ZFC3H1: variants seen among roughly 807,000 people sequenced by gnomAD.
ZFC3H1 encodes the protein zinc finger C3H1 domain-containing protein.
ZFC3H1 carries 71 observed loss-of-function variants against 243.7 expected under a neutral mutation model. That is an observed-to-expected ratio of 0.29 (90% CI 0.24 to 0.36). The LOEUF (loss-of-function observed/expected upper bound fraction) is 0.36, where lower values mean the gene tolerates loss of function less well. Ranked by LOEUF, ZFC3H1 falls within the 10% of genes least tolerant of loss-of-function variation. The probability of loss-of-function intolerance (pLI) is 1.00; values close to 1 mark genes in which losing one functional copy is unlikely to be tolerated. For synonymous variants in ZFC3H1, 838 were observed against 813.0 expected (o/e 1.03, Z -0.52); for missense variants, 1,966 against 2,317.1 (o/e 0.85, Z 3.11).
intron 20 of ZFC3H1, among the ~76,000 whole-genome samples, chr12:71,628,169 A>G (rs1148994): frequency 0.59 from 89,866 of 152,026 alleles, 29,237 homozygotes; most frequent in Middle Eastern, 0.77. Context: ...GAGTAATTAG[A>G]ACTCTGCTAT....
At chr12:71,652,774 G>A (rs2137558193) in intron 2 of ZFC3H1, among the ~76,000 whole-genome samples, 1 of 152,228 alleles carries the variant, frequency 6.6e-6, no homozygotes, top group Middle Eastern at 3.4e-3. Flanking sequence ...GGGAAAGAAA[G>A]GCATCTCCCT....
At chr12:71,636,087 T>C (rs1450197636) in intron 9 of ZFC3H1, among the ~76,000 whole-genome samples, 1 of 152,178 alleles carries the variant, frequency 6.6e-6, no homozygotes. Context: ...TCTTCCATCA[T>C]AGTGTAGTCA....
chr12:71,637,069 A>T lies in ZFC3H1; in HGVS notation c.1726-10T>A, dbSNP rs557810847. On this transcript the variant is annotated splice_polypyrimidine_tract_variant and intron_variant, in intron 7 of 34. Coordinates refer to ENST00000378743, the MANE Select transcript of ZFC3H1 (RefSeq NM_144982.5). The stretch of plus-strand genomic sequence containing the variant: ...TCAAAGGTGGCAGAGACTATTTTTT[A>T]AAAAAAGAAAGAATTACAACGCAAA... The T allele has an allele frequency of 1.0e-4, 162 of 1,597,860 alleles. No homozygotes were observed. The African/African-American group carries it at 1.2e-3, about 12-fold the overall frequency.
rs1009593392 is a variant in ZFC3H1, at chr12:71,615,391, C to A, written c.5145-75G>T. ...GAATTACACACATATTTTTTAAAAT[C>A]GTTAGTTTCACTTAAATTTCATTGA... On this transcript the variant is annotated intron_variant, in intron 27 of 34. Coordinates refer to ENST00000378743, the MANE Select transcript of ZFC3H1 (RefSeq NM_144982.5). 3.1e-6 allele frequency: 3 copies of A among 977,308 alleles called. No individual in the cohort carries two copies. The African/African-American group carries it at 5.0e-5, about 16-fold the overall frequency. 60.5% of individuals were successfully genotyped at this position (977,308 alleles called of 1,614,324 possible). A position where few individuals can be genotyped will look rare whatever the true frequency, so the allele number is the denominator to read the frequency against.
intron 1 of ZFC3H1, among the ~76,000 whole-genome samples, chr12:71,661,294 T>C (rs1028506888): frequency 6.6e-6 from 1 of 151,784 alleles, no homozygotes; most frequent in African/African-American, 2.4e-5. Flanking sequence ...AGCGAGACTC[T>C]GTCTCAAAAA....
rs1879985566 is a variant in ZFC3H1 at position 71,620,022 on chromosome 12, C to T, written c.4953G>A (p.Gln1651=). 2 of 1,613,402 alleles carry T rather than the reference C, an allele frequency of 1.2e-6. No homozygotes were observed. Among genetic ancestry groups the T allele is most frequent in the Non-Finnish European group, 8.5e-7 (1 of 1,179,870 alleles). Reference sequence around the variant, plus strand: ...GCCACACTGCTCTGGCTTTGTCATGCTGATTTGTTTGCAAATATAATGCAA... The same window carrying T: ...GCCACACTGCTCTGGCTTTGTCATGTTGATTTGTTTGCAAATATAATGCAA... ...ALVALYLQTN[Q]HDKARAVWLT... is the part of the protein sequence containing the mutation. The change falls in exon 26 of 35, where the codon CAG becomes CAA. Residue 1651 remains glutamine, a synonymous_variant. Coordinates refer to ENST00000378743, the MANE Select transcript of ZFC3H1 (RefSeq NM_144982.5).
chr12:71,634,753 G>C lies in ZFC3H1; in HGVS notation c.2311C>G (p.Pro771Ala). 2 of 1,600,526 alleles carry C rather than the reference G, an allele frequency of 1.2e-6. No individual in the cohort carries two copies. Among genetic ancestry groups the C allele is most frequent in the South Asian group, 1.1e-5 (1 of 89,182 alleles). Residue 771 changes from proline (P) to alanine (A), a missense_variant, in exon 11 of 35, where the codon CCT becomes GCT. Physicochemically the swap from Pro to Ala is conservative, Grantham distance 27. Transcript: ENST00000378743. ...NDPLRTPEAL[P>A]EEKKIEYRLL... Reference sequence around the variant, plus strand: ...CTATATTCAATCTTCTTTTCTTCAGGCAAAGCCTCCGGTGTTCGCAGAGGA... The same window carrying C: ...CTATATTCAATCTTCTTTTCTTCAGCCAAAGCCTCCGGTGTTCGCAGAGGA...
intron 7 of ZFC3H1, 86 bp from the exon 8 acceptor site, chr12:71,637,145 A>G (rs932283001): frequency 1.2e-5 from 14 of 1,163,130 alleles, no homozygotes; most frequent in Non-Finnish European, 1.7e-5. Context: ...CTAGAAAAAA[A>G]TAAACTTTAC....
chr12:71,641,556 T>C (rs943855259), intron 6 of ZFC3H1, among the ~76,000 whole-genome samples: 1 of 152,162 alleles, frequency 6.6e-6, no homozygotes, highest in South Asian at 2.1e-4. Flanking sequence ...TCACAGCCAA[T>C]CACCCCTGAA....
chr12:71,658,636 T>C (rs950918296), intron 1 of ZFC3H1, among the ~76,000 whole-genome samples: 1 of 152,080 alleles, frequency 6.6e-6, no homozygotes, highest in Non-Finnish European at 1.5e-5. Context: ...GTACCCCAAA[T>C]ACGGTTCTTC....
intron 6 of ZFC3H1, among the ~76,000 whole-genome samples, chr12:71,640,012 G>A (rs1880561661): frequency 6.6e-6 from 1 of 151,930 alleles, no homozygotes; most frequent in Admixed American, 6.6e-5. Context: ...TCTGTGTCAA[G>A]CTTTCTTGTT....
chr12:71,632,792 A>G (rs1328709931), intron 14 of ZFC3H1, 94 bp downstream of exon 14: 1 of 1,503,298 alleles, frequency 6.7e-7, no homozygotes, highest in East Asian at 2.4e-5. Flanking sequence ...TGGAATTTAC[A>G]GCAAAGAGTT....
chr12:71,657,652 A>C (rs748341604), intron 1 of ZFC3H1, among the ~76,000 whole-genome samples: 115 of 152,152 alleles, frequency 7.6e-4, no homozygotes, highest in Non-Finnish European at 1.5e-3. Flanking sequence ...TTTCTGAAGG[A>C]AGAGGGGAGA....
intron 2 of ZFC3H1, among the ~76,000 whole-genome samples, chr12:71,650,570 G>T (rs1880858305): frequency 6.6e-6 from 1 of 152,088 alleles, no homozygotes; most frequent in African/African-American, 2.4e-5. Context: ...AATATCCCTA[G>T]AAAATGGGAC....
chr12:71,657,092 T>C lies in ZFC3H1; in HGVS notation c.808A>G (p.Thr270Ala). Residue 270 changes from threonine (T) to alanine (A), a missense_variant, in exon 2 of 35, where the codon ACT (threonine) becomes GCT (alanine). Thr to Ala is a moderately conservative substitution (Grantham distance 58, BLOSUM62 0). Coordinates refer to ENST00000378743, the MANE Select transcript of ZFC3H1 (RefSeq NM_144982.5). ...GTAATACTGACATTATCAGTGCTAG[T>C]TTGGTCCTCGAAGTTCAATGTTTTA... ...DPKTLNFEDQ[T>A]STDNVSITKD... 6.2e-7 allele frequency: 1 copy of C among 1,613,990 alleles called. No individual in the cohort carries two copies.
chr12:71,620,264 T>C lies in ZFC3H1; in HGVS notation c.4796A>G (p.Glu1599Gly). Residue 1599 changes from glutamate to glycine, a missense_variant, in exon 25 of 35, where the codon GAG becomes GGG. Glu to Gly is a moderately conservative substitution (Grantham distance 98, BLOSUM62 -2). Coordinates refer to ENST00000378743, the MANE Select transcript of ZFC3H1 (RefSeq NM_144982.5). ...GTTTGTGTAAAGTGGAAGGCAGGCC[T>C]CTATTCTTTCCTCAACAGCAAGGCT... ...DESLAVEERI[E>G]ACLPLYTNMI... 1.2e-6 allele frequency: 2 copies of C among 1,614,202 alleles called. No individual in the cohort carries two copies. The highest frequency in any genetic ancestry group is 1.7e-6 in the Non-Finnish European group (2 of 1,180,040).
At chr12:71,655,820 AG>A (rs34234023) in intron 2 of ZFC3H1, among the ~76,000 whole-genome samples, 8 of 151,646 alleles carry the variant, frequency 5.3e-5, no homozygotes, top group Non-Finnish European at 1.0e-4. Flanking sequence ...AAGGAAAAAG[AG>A]GGGGGGGAAA....
chr12:71,628,153 C>G (rs879456777), intron 20 of ZFC3H1, among the ~76,000 whole-genome samples: 3 of 152,160 alleles, frequency 2.0e-5, no homozygotes, highest in Non-Finnish European at 2.9e-5. Context: ...TACACCAGAA[C>G]AAAAGGAGTA....
chr12:71,651,251 C>T (rs1290215323), intron 2 of ZFC3H1, among the ~76,000 whole-genome samples: 1 of 152,198 alleles, frequency 6.6e-6, no homozygotes, highest in Non-Finnish European at 1.5e-5. Context: ...ACCAGATATC[C>T]ATTTGGCTAT....
Sources: allele counts gnomAD v4.1 joint callset (sites outside exome capture counted in the v4.1 genomes callset), GRCh38; gene constraint gnomAD v4.1.1; transcripts MANE v1.5; gene names NCBI Gene and HGNC (gene_info 2026-07-23, HGNC 2026-07-21).